SOHLH2: variants seen among roughly 807,000 people sequenced by gnomAD.
SOHLH2 encodes the protein spermatogenesis and oogenesis specific basic helix-loop-helix 2.
Under a neutral mutation model 50.4 loss-of-function variants are expected in SOHLH2, and 22 were observed. The observed-to-expected ratio is 0.44, with a 90% CI of 0.31 to 0.62. The LOEUF (loss-of-function observed/expected upper bound fraction) is 0.62, where lower values mean the gene tolerates loss of function less well. Ranked by LOEUF, SOHLH2 falls within the 20% of genes least tolerant of loss-of-function variation. SOHLH2 has a pLI of 0.08. For synonymous variants in SOHLH2, 185 were observed against 187.3 expected (o/e 0.99, Z 0.10); for missense variants, 412 against 504.4 (o/e 0.82, Z 1.76).
At chr13:36,172,636 G>C (rs1886993394) in intron 9 of SOHLH2, among the ~76,000 whole-genome samples, 1 of 152,214 alleles carries the variant, frequency 6.6e-6, no homozygotes, top group African/African-American at 2.4e-5. Flanking sequence ...CTACCACTAA[G>C]TTGTGAGCTC....
chr13:36,196,396 G>C (rs985631555), intron 2 of SOHLH2, among the ~76,000 whole-genome samples: 1 of 152,064 alleles, frequency 6.6e-6, no homozygotes, highest in Non-Finnish European at 1.5e-5. Context: ...AAAGTGCTGA[G>C]ATTACAGGCA....
chr13:36,189,868 T>C (rs1887524402), intron 6 of SOHLH2, 78 bp downstream of exon 6: 3 of 1,349,628 alleles, frequency 2.2e-6, no homozygotes, highest in Non-Finnish European at 3.0e-6. Flanking sequence ...CTTTTAATAA[T>C]ACTACAAAAA....
chr13:36,193,501 A>G, intron 4 of SOHLH2, 120 bp downstream of exon 4: 1 of 1,148,472 alleles, frequency 8.7e-7, no homozygotes, highest in Non-Finnish European at 1.2e-6. Flanking sequence ...TTTTCTTTCC[A>G]GGTAAAGAAT....
At chr13:36,203,450 CAATT>C (rs1242034905) in intron 1 of SOHLH2, among the ~76,000 whole-genome samples, 1 of 152,152 alleles carries the variant, frequency 6.6e-6, no homozygotes, top group Non-Finnish European at 1.5e-5. Context: ...TCGATGATGA[CAATT>C]GATTGAGACA....
Position 36,201,866 on chromosome 13 carries a change from T to A in SOHLH2, c.263+13A>T. 6.2e-7 allele frequency: 1 copy of A among 1,614,172 alleles called. No homozygotes were observed. The highest frequency in any genetic ancestry group is 8.5e-7 in the Non-Finnish European group (1 of 1,180,012). On this transcript the variant is annotated intron_variant, in intron 2 of 10. Transcript: ENST00000379881. ...GATTCTAAAGATACAGCATCAAGGC[T>A]TTTGAAGTTTACCTAATTAACTTGA...
intron 1 of SOHLH2, among the ~76,000 whole-genome samples, chr13:36,212,620 G>A (rs958003999): frequency 6.6e-6 from 1 of 152,150 alleles, no homozygotes; most frequent in Non-Finnish European, 1.5e-5. Context: ...GTTAGGCTTC[G>A]TTTGATGAAA....
intron 2 of SOHLH2, among the ~76,000 whole-genome samples, chr13:36,201,216 A>G (rs568982561): frequency 2.0e-5 from 3 of 152,222 alleles, no homozygotes; most frequent in African/African-American, 7.2e-5. Context: ...GAGAGCTAAG[A>G]GTGCTCACTT....
chr13:36,191,821 T>C lies in SOHLH2; in HGVS notation c.504A>G (p.Gly168=), dbSNP rs551923268. ...AGGCAAATAGATCAGTAGGAAAATA[T>C]CCCAGGTGTTCGCTGTAGGACCTCT... is the stretch of plus-strand genomic sequence containing the variant. The part of the protein sequence containing the change: ...PLQRSYSEHL[G]YFPTDLFACS... Residue 168 remains glycine, a synonymous_variant, in exon 5 of 11, where the codon GGA becomes GGG. Transcript: ENST00000379881. 1.2e-6 allele frequency: 2 copies of C among 1,613,928 alleles called. No individual in the cohort carries two copies. The highest frequency in any genetic ancestry group is 2.2e-5 in the South Asian group (2 of 91,076).
At chr13:36,193,382 A>T (rs767429541) in intron 4 of SOHLH2, among the ~76,000 whole-genome samples, 20 of 152,226 alleles carry the variant, frequency 1.3e-4, no homozygotes, top group Non-Finnish European at 2.4e-4. Context: ...AAAAAGAAAG[A>T]AAAACAGTAA....
At chr13:36,186,528 C>T (rs775293858) in intron 6 of SOHLH2, among the ~76,000 whole-genome samples, 3 of 152,078 alleles carry the variant, frequency 2.0e-5, no homozygotes, top group Non-Finnish European at 2.9e-5. Context: ...TTGTCTAGTC[C>T]TGGAAAAGTC....
intron 6 of SOHLH2, among the ~76,000 whole-genome samples, chr13:36,183,823 C>T (rs904863625): frequency 2.6e-5 from 4 of 152,056 alleles, no homozygotes; most frequent in Non-Finnish European, 4.4e-5. Context: ...GAAAAATTAG[C>T]ATTATCATTT....
At chr13:36,171,522 A>G (rs1259772917) in intron 9 of SOHLH2, among the ~76,000 whole-genome samples, 1 of 152,188 alleles carries the variant, frequency 6.6e-6, no homozygotes, top group Non-Finnish European at 1.5e-5. Context: ...ACTGATTGCA[A>G]CTTCTCTGAT....
intron 6 of SOHLH2, among the ~76,000 whole-genome samples, chr13:36,186,683 C>G (rs1171802604): frequency 1.3e-5 from 2 of 152,022 alleles, no homozygotes; most frequent in East Asian, 3.9e-4. Context: ...ACACACTTTA[C>G]AAGATAAAAA....
intron 5 of SOHLH2, among the ~76,000 whole-genome samples, chr13:36,191,511 C>T (rs977543665): frequency 5.9e-5 from 9 of 152,076 alleles, no homozygotes; most frequent in African/African-American, 1.7e-4. Flanking sequence ...AATACCACTG[C>T]GCTATTTAAC....
At chr13:36,180,619 G>A (rs1488501037) in intron 6 of SOHLH2, among the ~76,000 whole-genome samples, 3 of 127,162 alleles carry the variant, frequency 2.4e-5, no homozygotes, top group Non-Finnish European at 5.1e-5. Flanking sequence ...TTTTTTTTTT[G>A]TTTTACCCAT....
At chr13:36,188,018 C>G (rs1257268530) in intron 6 of SOHLH2, among the ~76,000 whole-genome samples, 2 of 152,110 alleles carry the variant, frequency 1.3e-5, no homozygotes, top group Admixed American at 6.5e-5. Flanking sequence ...CTCTAGGAGC[C>G]CTAAGCCACC....
At chr13:36,208,408 T>C (rs913585827) in intron 1 of SOHLH2, among the ~76,000 whole-genome samples, 1 of 152,180 alleles carries the variant, frequency 6.6e-6, no homozygotes, top group Non-Finnish European at 1.5e-5. Context: ...TACTATCATT[T>C]ATTTTGTTAC....
Position 36,193,485 on chromosome 13 carries a change from T to C in SOHLH2, c.430+136A>G, listed in dbSNP as rs1031149993. 5.8e-6 allele frequency: 6 copies of C among 1,037,302 alleles called. No homozygotes were observed. In the African/African-American group the frequency reaches 8.2e-5, roughly 14 times the overall value. The allele number at this position is 1,037,302 out of a possible 1,614,324, so 64.3% of individuals were successfully genotyped here. A position where few individuals can be genotyped will look rare whatever the true frequency, so the allele number is the denominator to read the frequency against. ...AACACATTCTAAACCTCTGAAGATG[T>C]AGTTTTTTTCTTTCCAGGTAAAGAA... On this transcript the variant is annotated intron_variant, in intron 4 of 10. Coordinates refer to ENST00000379881, the MANE Select transcript of SOHLH2 (RefSeq NM_017826.3).
chr13:36,200,331 T>A (rs1450015406), intron 2 of SOHLH2, among the ~76,000 whole-genome samples: 1 of 152,196 alleles, frequency 6.6e-6, no homozygotes, highest in Non-Finnish European at 1.5e-5. Context: ...AGGTAGATAG[T>A]TTGCCTGATG....
Sources: allele counts gnomAD v4.1 joint callset (sites outside exome capture counted in the v4.1 genomes callset), GRCh38; gene constraint gnomAD v4.1.1; transcripts MANE v1.5; gene names NCBI Gene and HGNC (gene_info 2026-07-23, HGNC 2026-07-21).